ZNF653: variants seen among roughly 807,000 people sequenced by gnomAD.
ZNF653 encodes the protein 67 kDa zinc finger protein.
In ZNF653, 37 loss-of-function variants were observed where a neutral mutation model predicts 59.9. The ratio of observed to expected loss-of-function variants is 0.62; its 90% CI spans 0.48 to 0.81. The LOEUF (loss-of-function observed/expected upper bound fraction) is 0.81. ZNF653 is among the 40% of genes least tolerant of loss of function. The probability of loss-of-function intolerance (pLI) is 0.00; values close to 1 mark genes in which losing one functional copy is unlikely to be tolerated. For synonymous variants in ZNF653, 435 were observed against 371.8 expected (o/e 1.17, Z -1.96); for missense variants, 808 against 881.1 (o/e 0.92, Z 1.05).
intron 3 of ZNF653, among the ~76,000 whole-genome samples, chr19:11,493,799 A>G (rs1971553672): frequency 6.6e-6 from 1 of 152,136 alleles, no homozygotes; most frequent in African/African-American, 2.4e-5. Flanking sequence ...CAGGAGGATT[A>G]CTAGATCCCA....
intron 3 of ZNF653, among the ~76,000 whole-genome samples, chr19:11,494,759 C>T (rs1402439411): frequency 6.6e-6 from 1 of 152,206 alleles, no homozygotes. Flanking sequence ...GCTCTGGGCA[C>T]CACCCACACC....
chr19:11,485,680 G>A lies in ZNF653; in HGVS notation c.1546C>T (p.Arg516Trp), dbSNP rs1429174136. The A allele has an allele frequency of 9.3e-6, 15 of 1,613,846 alleles. No homozygotes were observed. Among genetic ancestry groups the A allele is most frequent in the East Asian group, 4.5e-5 (2 of 44,864 alleles). The change falls in exon 7 of 9, where the codon CGG becomes TGG. Residue 516 changes from arginine to tryptophan, a missense_variant. By Grantham distance (101) the Arg-to-Trp change is moderately radical. Transcript: ENST00000293771. ...CCTGAATGGATGATCATGTGCCGCC[G>A]CAGGTGGTTGGATAAATAGAACTTC... The part of the protein sequence containing the change: ...GKKFYLSNHL[R>W]RHMIIHSGVR...
In ZNF653 at chr19:11,487,475, G is replaced by C. The variant is rs373861428; in HGVS notation, c.988C>G (p.Leu330Val). Residue 330 changes from leucine (L) to valine (V), a missense_variant, in exon 4 of 9, where the codon CTC (leucine) becomes GTC (valine). Physicochemically the swap from Leu to Val is conservative, Grantham distance 32. Coordinates refer to ENST00000293771, the MANE Select transcript of ZNF653 (RefSeq NM_138783.4). This position sits in a 1 kb window ranked among gnomAD's most constrained non-coding sequence, Gnocchi z 5.1. ...IIIAGPGYDA[L>V]TAEGIHLNMA... ...TTGAGGTGAATGCCCTCGGCCGTGA[G>C]AGCGTCGTAACCAGGGCCCGCAATG... is the stretch of plus-strand genomic sequence containing the variant. 2 of 1,613,562 alleles carry C rather than the reference G, an allele frequency of 1.2e-6. No homozygotes were observed. The highest frequency in any genetic ancestry group is 1.7e-6 in the Non-Finnish European group (2 of 1,179,982).
chr19:11,499,772 C>T (rs1327914270), intron 1 of ZNF653, among the ~76,000 whole-genome samples: 1 of 151,792 alleles, frequency 6.6e-6, no homozygotes, highest in Non-Finnish European at 1.5e-5. Flanking sequence ...ATTACCCAGG[C>T]GGGGTGGCAT....
chr19:11,499,365 C>G (rs1971620653), intron 1 of ZNF653, among the ~76,000 whole-genome samples: 2 of 152,156 alleles, frequency 1.3e-5, no homozygotes, highest in African/African-American at 2.4e-5. Flanking sequence ...GGTTAGGTGA[C>G]TGTGAGTTAA....
intron 1 of ZNF653, among the ~76,000 whole-genome samples, chr19:11,500,120 A>C (rs1971628523): frequency 6.6e-6 from 1 of 152,084 alleles, no homozygotes; most frequent in African/African-American, 2.4e-5. Context: ...TCTTATCAGC[A>C]AAACTGTCCA....
At chr19:11,490,388 T>C (rs2144938889) in intron 3 of ZNF653, among the ~76,000 whole-genome samples, 1 of 152,154 alleles carries the variant, frequency 6.6e-6, no homozygotes, top group Non-Finnish European at 1.5e-5. Flanking sequence ...TCTGTTGTTG[T>C]TGTTGTTTGT....
intron 1 of ZNF653, 138 bp from the exon 2 acceptor site, chr19:11,498,477 T>C: frequency 2.5e-6 from 3 of 1,200,096 alleles, no homozygotes; most frequent in Non-Finnish European, 3.7e-6. Context: ...GGAGTCTCAC[T>C]GTGTTGCCCA....
chr19:11,503,675 G>C (rs568382726), intron 1 of ZNF653, among the ~76,000 whole-genome samples: 2 of 151,660 alleles, frequency 1.3e-5, no homozygotes, highest in East Asian at 1.9e-4. Flanking sequence ...AGGTGAGGTG[G>C]CTCCTCTGTA....
chr19:11,505,087 G>C, intron 1 of ZNF653: 1 of 189,780 alleles, frequency 5.3e-6, no homozygotes, highest in Non-Finnish European at 1.1e-5. Flanking sequence ...GAGTGCCCCA[G>C]GGTGTCCAGA....
At chr19:11,488,760 G>C (rs1294587240) in intron 3 of ZNF653, among the ~76,000 whole-genome samples, 1 of 151,386 alleles carries the variant, frequency 6.6e-6, no homozygotes, top group Non-Finnish European at 1.5e-5. Flanking sequence ...ACCACGCCCA[G>C]CTAATTTTTG....
Position 11,486,784 on chromosome 19 carries a change from G to T in ZNF653, c.1440C>A (p.Ala480=), listed in dbSNP as rs1467493357. 6.2e-7 allele frequency: 1 copy of T among 1,608,094 alleles called. No homozygotes were observed. The highest frequency in any genetic ancestry group is 8.5e-7 in the Non-Finnish European group (1 of 1,177,584). The stretch of plus-strand genomic sequence containing the variant: ...GCGGCCTCACCTGGAAGCTGCTGAG[G>T]GCCACGTAGACTTGGCTGCAGCCCT... ...PYEGCSQVYV[A]LSSFQNHVNL... is the part of the protein sequence containing the mutation. The change falls in exon 6 of 9, where the codon GCC becomes GCA. Residue 480 remains alanine, a synonymous_variant. Transcript: ENST00000293771.
At position 11,505,498 on chromosome 19, in the gene ZNF653, C is replaced by G; in HGVS notation, c.289G>C (p.Gly97Arg). ...GCCAGGCCCCCTCACCCGTGGCGGC[C>G]GCTCCGCTGGCCGCGCTCCAGAGAG... The part of the protein sequence containing the change: ...LISLERGQRS[G>R]RHGKPWEQVP... The change falls in exon 1 of 9, where the codon GGC becomes CGC. Residue 97 changes from glycine (G) to arginine (R), a missense_variant. Coordinates refer to ENST00000293771, the MANE Select transcript of ZNF653 (RefSeq NM_138783.4). 2 of 1,488,418 alleles carry G rather than the reference C, an allele frequency of 1.3e-6. No individual in the cohort carries two copies. The highest frequency in any genetic ancestry group is 8.8e-7 in the Non-Finnish European group (1 of 1,131,998). 92.2% of individuals were successfully genotyped at this position (1,488,418 alleles called of 1,614,324 possible). A position where few individuals can be genotyped will look rare whatever the true frequency, so the allele number is the denominator to read the frequency against.
chr19:11,502,573 G>T (rs554349706), intron 1 of ZNF653, among the ~76,000 whole-genome samples: 1 of 152,174 alleles, frequency 6.6e-6, no homozygotes, highest in African/African-American at 2.4e-5. Flanking sequence ...TGTGTGACTT[G>T]TAGTCCCAGC....
At position 11,483,676 on chromosome 19, in the gene ZNF653, G is replaced by A. The variant is rs770946718; in HGVS notation, c.*6C>T. 23 of 1,607,960 alleles carry A rather than the reference G, an allele frequency of 1.4e-5. No homozygotes were observed. The highest frequency in any genetic ancestry group is 1.0e-4 in the Admixed American group (6 of 59,894). On this transcript the variant is annotated 3_prime_UTR_variant, in exon 9 of 9. Transcript: ENST00000293771. ...AATAAATAGGGGCGGTCAGTGGTCA[G>A]GTGGGTCAGGTGGGCTTGTGATCCG...
rs1568393301 is a variant in ZNF653, at chr19:11,486,989, C to T, written c.1341G>A (p.Glu447=). 1.2e-6 allele frequency: 2 copies of T among 1,613,832 alleles called. No individual in the cohort carries two copies. Among genetic ancestry groups the T allele is most frequent in the Non-Finnish European group, 8.5e-7 (1 of 1,179,842 alleles). The change falls in exon 5 of 9, where the codon GAG becomes GAA. Residue 447 remains glutamate, a splice_region_variant and synonymous_variant. Transcript: ENST00000293771. ...AIIYEIPKEP[E]KRRRSKRSRV... ...CCCTTGCCCGCCCCGGCACCCACTT[C>T]TCAGGCTCCTTGGGGATTTCATAGA...
intron 3 of ZNF653, among the ~76,000 whole-genome samples, chr19:11,492,797 T>C (rs995265885): frequency 6.6e-6 from 1 of 151,778 alleles, no homozygotes; most frequent in Non-Finnish European, 1.5e-5. Context: ...AATGAATCAA[T>C]CTCTGCTCCC....
Position 11,487,373 on chromosome 19 carries a change from C to G in ZNF653, c.1090G>C (p.Ala364Pro). The change falls in exon 4 of 9, where the codon GCC becomes CCC. Residue 364 changes from alanine to proline, a missense_variant. Coordinates refer to ENST00000293771, the MANE Select transcript of ZNF653 (RefSeq NM_138783.4). This position sits in a 1 kb window ranked among gnomAD's most constrained non-coding sequence, Gnocchi z 5.1. ...VPCAMMEGVA[A>P]YTQTEPEGSQ... ...CCCTCGGGCTCTGTCTGGGTGTAGG[C>G]TGCCACACCCTCCATCATGGCACAG... is the stretch of plus-strand genomic sequence containing the variant. 1.2e-6 allele frequency: 2 copies of G among 1,612,918 alleles called. No homozygotes were observed.
At position 11,496,163 on chromosome 19, in the gene ZNF653, G is replaced by A. The variant is rs1164922914; in HGVS notation, c.346C>T (p.Arg116Trp). 2.5e-6 allele frequency: 4 copies of A among 1,613,274 alleles called. No homozygotes were observed. Among genetic ancestry groups the A allele is most frequent in the Non-Finnish European group, 2.5e-6 (3 of 1,179,926 alleles). The change falls in exon 3 of 9, where the codon CGG (arginine) becomes TGG (tryptophan). Residue 116 changes from arginine to tryptophan, a missense_variant and splice_region_variant. By Grantham distance (101) the Arg-to-Trp change is moderately radical (BLOSUM62 -3). Coordinates refer to ENST00000293771, the MANE Select transcript of ZNF653 (RefSeq NM_138783.4). ...TTCAGGCAGTTCACGTTGCGTCGCC[G>A]CCCTATGGACACAGGGCCGAGGAGT... ...VPKKPKRKKR[R>W]RRNVNCLKNV...
Sources: allele counts gnomAD v4.1 joint callset (sites outside exome capture counted in the v4.1 genomes callset), GRCh38; gene constraint gnomAD v4.1.1; non-coding constraint Gnocchi (gnomAD v3.1); transcripts MANE v1.5; gene names NCBI Gene and HGNC (gene_info 2026-07-23, HGNC 2026-07-21).